Variants in PCDH9 observed in about 807,000 individuals in gnomAD.
PCDH9 encodes protocadherin-9.
A neutral mutation model predicts 70.6 loss-of-function variants in PCDH9; 24 were observed. That is an observed-to-expected ratio of 0.34 (90% CI 0.25 to 0.48). The LOEUF is 0.48. PCDH9 is among the 20% of genes least tolerant of loss of function. PCDH9 has a pLI of 0.99. For synonymous variants in PCDH9, 562 were observed against 558.5 expected, an observed-to-expected ratio of 1.01 and a Z score of -0.09; for missense variants, 1,281 against 1,503.6, an observed-to-expected ratio of 0.85 and a Z score of 2.45.
At chr13:66,777,928 T>C (rs1362201330) in intron 3 of PCDH9, among the ~76,000 whole-genome samples, 1 of 152,034 alleles carries the variant, frequency 6.6e-6, no homozygotes, top group East Asian at 1.9e-4. Context: ...GTGGCACATA[T>C]ACACCATGGA....
chr13:66,354,376 G>C (rs1307603462), intron 4 of PCDH9, among the ~76,000 whole-genome samples: 1 of 61,404 alleles, frequency 1.6e-5, no homozygotes, highest in Non-Finnish European at 3.5e-5. Flanking sequence ...TTTTTCAGAT[G>C]AAGGTGATTT....
intron 2 of PCDH9, among the ~76,000 whole-genome samples, chr13:67,026,516 C>A (rs2139872927): frequency 6.6e-6 from 1 of 152,134 alleles, no homozygotes; most frequent in Admixed American, 6.6e-5. Flanking sequence ...GACAGGGATG[C>A]CCTCCCTCAC....
chr13:67,177,456 A>T (rs1298998678), intron 2 of PCDH9, among the ~76,000 whole-genome samples: 1 of 152,068 alleles, frequency 6.6e-6, no homozygotes, highest in Non-Finnish European at 1.5e-5. Flanking sequence ...AATCGAGTTA[A>T]TTTATCAGCC....
intron 2 of PCDH9, among the ~76,000 whole-genome samples, chr13:67,073,737 T>G (rs994506437): frequency 6.6e-6 from 1 of 152,132 alleles, no homozygotes; most frequent in East Asian, 1.9e-4. Context: ...CAGCTTCACA[T>G]TAAAGAAGTT....
chr13:67,065,383 A>G (rs2085627199), intron 2 of PCDH9, among the ~76,000 whole-genome samples: 1 of 152,190 alleles, frequency 6.6e-6, no homozygotes, highest in Admixed American at 6.5e-5. Context: ...TTAAAGGTGC[A>G]ATTATTCTTT....
Position 66,402,044 on chromosome 13 carries a change from T to C in PCDH9, c.3341-97016A>G, listed in dbSNP as rs531671991. 1.4e-4 allele frequency among the ~76,000 whole-genome samples: 21 copies of C among 152,300 alleles called. 1 individual carries two copies. In the South Asian group the frequency reaches 4.4e-3, roughly 32 times the overall value. ...AGTGATCCACTTATGGGCAGGGAGA[T>C]ATTAGAAGTCTGTCAGAGGGTTTCT... On this transcript the variant is annotated intron_variant, in intron 4 of 4. Transcript: ENST00000377865.
intron 2 of PCDH9, among the ~76,000 whole-genome samples, chr13:67,067,611 T>TA (rs398098941): frequency 2.0e-5 from 3 of 151,440 alleles, no homozygotes; most frequent in East Asian, 1.9e-4. Flanking sequence ...ATACTTTTTT[T>TA]AAAAAGTTTT....
At chr13:67,098,549 T>C (rs778937441) in intron 2 of PCDH9, among the ~76,000 whole-genome samples, 3 of 152,164 alleles carry the variant, frequency 2.0e-5, no homozygotes, top group Non-Finnish European at 4.4e-5. Context: ...TAAATCCTGT[T>C]TCTGATTATA....
chr13:66,354,894 A>T (rs1956353226), intron 4 of PCDH9, among the ~76,000 whole-genome samples: 1 of 152,140 alleles, frequency 6.6e-6, no homozygotes, highest in African/African-American at 2.4e-5. Context: ...TTAACTTATT[A>T]TATTCCAGGG....
At chr13:66,459,587 A>C (rs1319689105) in intron 4 of PCDH9, among the ~76,000 whole-genome samples, 1 of 151,956 alleles carries the variant, frequency 6.6e-6, no homozygotes, top group East Asian at 1.9e-4. Context: ...CAACTACAAA[A>C]ATTTTACAAA....
At chr13:66,584,238 C>T (rs1256837524) in intron 4 of PCDH9, among the ~76,000 whole-genome samples, 1 of 152,116 alleles carries the variant, frequency 6.6e-6, no homozygotes, top group Non-Finnish European at 1.5e-5. Flanking sequence ...ACTTTATGAT[C>T]TATATCTTAC....
intron 3 of PCDH9, among the ~76,000 whole-genome samples, chr13:66,771,345 G>T (rs2139274023): frequency 6.6e-6 from 1 of 152,134 alleles, no homozygotes; most frequent in African/African-American, 2.4e-5. Context: ...CCTCCCTTCA[G>T]CCCCTCCTTC....
rs189278159 is a variant in PCDH9 at position 67,153,447 on chromosome 13, G to A, written c.3036+71958C>T. Among the ~76,000 whole-genome samples the A allele has an allele frequency of 3.9e-3, 588 of 152,204 alleles. 2 individuals carry two copies. The highest frequency in any genetic ancestry group is 2.7e-3 in the Non-Finnish European group (187 of 68,006). ...GGCTTCCCAAGCGTGGGGATTATAG[G>A]AGTTGGCCACCACTCCCAGCCCACA... On this transcript the variant is annotated intron_variant, in intron 2 of 4. Transcript: ENST00000377865.
chr13:66,326,087 C>A (rs1955837875), intron 4 of PCDH9, among the ~76,000 whole-genome samples: 1 of 152,270 alleles, frequency 6.6e-6, no homozygotes, highest in East Asian at 1.9e-4. Flanking sequence ...TTTTTACTCA[C>A]CTCTGGCTTC....
chr13:66,870,388 G>C (rs1175204785), intron 3 of PCDH9, among the ~76,000 whole-genome samples: 2 of 151,902 alleles, frequency 1.3e-5, no homozygotes, highest in African/African-American at 4.8e-5. Flanking sequence ...TTGACAAATG[G>C]GATCTAATTA....
chr13:66,843,642 C>T (rs1428111988), intron 3 of PCDH9, among the ~76,000 whole-genome samples: 5 of 152,160 alleles, frequency 3.3e-5, no homozygotes, highest in Non-Finnish European at 1.5e-5. Flanking sequence ...TCAGGGATGG[C>T]CTTGTGGCTC....
chr13:66,360,020 A>G (rs948635225), intron 4 of PCDH9, among the ~76,000 whole-genome samples: 2 of 152,010 alleles, frequency 1.3e-5, no homozygotes, highest in Non-Finnish European at 2.9e-5. Flanking sequence ...CTCCGTGCAA[A>G]GGTGTTTTTG....
intron 2 of PCDH9, among the ~76,000 whole-genome samples, chr13:67,187,023 C>T (rs967163397): frequency 1.1e-4 from 16 of 152,118 alleles, no homozygotes; most frequent in African/African-American, 2.9e-4. Context: ...TTTATGTGGA[C>T]GCAAACAATT....
intron 2 of PCDH9, among the ~76,000 whole-genome samples, chr13:67,183,083 T>A (rs1362681840): frequency 6.6e-6 from 1 of 152,136 alleles, no homozygotes; most frequent in Non-Finnish European, 1.5e-5. Context: ...ACATTATCAA[T>A]GATAATAAAA....
Sources: allele counts gnomAD v4.1 joint callset (sites outside exome capture counted in the v4.1 genomes callset), GRCh38; gene constraint gnomAD v4.1.1; transcripts MANE v1.5; gene names NCBI Gene and HGNC (gene_info 2026-07-23, HGNC 2026-07-21).